The following SLC4A10 variants were observed in gnomAD, a reference collection of about 807,000 sequenced individuals.
The protein encoded by SLC4A10 is sodium-driven chloride bicarbonate exchanger.
SLC4A10 carries 42 observed loss-of-function variants against 137.7 expected under a neutral mutation model. That is an observed-to-expected ratio of 0.30 (90% CI 0.24 to 0.39). The LOEUF (loss-of-function observed/expected upper bound fraction) is 0.39. Among genes scored for constraint, SLC4A10 ranks in the 10% least tolerant of loss-of-function variants. SLC4A10 has a pLI of 1.00. For missense variants in SLC4A10, 925 were observed against 1,355.0 expected (o/e 0.68, Z 4.98); for synonymous variants, 474 against 464.1 (o/e 1.02, Z -0.27).
rs181633451 is a variant in SLC4A10, at chr2:161,891,808, A to C, written c.1195-2871A>C. Among the ~76,000 whole-genome samples, 491 of 152,080 alleles carry C rather than the reference A, an allele frequency of 3.2e-3. 1 individual carries two copies. The highest frequency in any genetic ancestry group is 0.011 in the African/African-American group (469 of 41,496). ...GAAGCCTACTTCTGTCAATTCGTCAAACTCATTCTCCATCCAGTTTTGTTC... is the reference window on the plus strand; with the variant it reads ...GAAGCCTACTTCTGTCAATTCGTCACACTCATTCTCCATCCAGTTTTGTTC... On this transcript the variant is annotated intron_variant, in intron 10 of 26. Transcript: ENST00000446997.
chr2:161,637,065 C>G (rs960048271), intron 1 of SLC4A10, among the ~76,000 whole-genome samples: 1 of 122,218 alleles, frequency 8.2e-6, no homozygotes, highest in Non-Finnish European at 1.8e-5. Context: ...ATGTATATAT[C>G]TATATACATA....
chr2:161,711,713 G>A (rs1574498777), intron 1 of SLC4A10, among the ~76,000 whole-genome samples: 3 of 151,828 alleles, frequency 2.0e-5, no homozygotes, highest in Admixed American at 2.0e-4. Flanking sequence ...GTTTGTAATG[G>A]CTGGCTGCAG....
rs144251917 is a variant in SLC4A10 at position 161,748,436 on chromosome 2, T to TTGTGTGTG, written c.49-22508_49-22501dup. Among the ~76,000 whole-genome samples, 1,361 of 142,500 alleles carry TTGTGTGTG rather than the reference T, an allele frequency of 9.6e-3. 14 individuals are homozygous for TTGTGTGTG. The highest frequency in any genetic ancestry group is 0.036 in the Middle Eastern group (10 of 276). The allele number at this position is 142,500 out of a possible 152,430, so 93.5% of individuals were successfully genotyped here. On this transcript the variant is annotated intron_variant, in intron 1 of 26. Coordinates refer to ENST00000446997, the MANE Select transcript of SLC4A10 (RefSeq NM_001178015.2). ...GTCTATGTCTTAAGCCATTTTGAGTTTGTGTGTGTGTGTGTGTGTGTGTGT... is the reference window on the plus strand; with the variant it reads ...GTCTATGTCTTAAGCCATTTTGAGTTTGTGTGTGTGTGTGTGTGTGTGTGTGTGTGTGT...
intron 6 of SLC4A10, among the ~76,000 whole-genome samples, chr2:161,866,176 ATTG>A (rs2060733391): frequency 6.6e-6 from 1 of 151,980 alleles, no homozygotes. Flanking sequence ...TACTTCCTTA[ATTG>A]ACTTGTGTCT....
intron 2 of SLC4A10, among the ~76,000 whole-genome samples, chr2:161,789,528 A>G (rs1160122980): frequency 6.6e-6 from 1 of 152,122 alleles, no homozygotes; most frequent in Non-Finnish European, 1.5e-5. Context: ...TGAAAAAAAA[A>G]AGCTACATTA....
At chr2:161,651,693 G>C (rs1015510134) in intron 1 of SLC4A10, among the ~76,000 whole-genome samples, 1 of 152,222 alleles carries the variant, frequency 6.6e-6, no homozygotes, top group African/African-American at 2.4e-5. Flanking sequence ...AGCCTTGCAC[G>C]GAGCTAGCAC....
At chr2:161,693,682 T>A (rs1176055614) in intron 1 of SLC4A10, among the ~76,000 whole-genome samples, 2 of 151,090 alleles carry the variant, frequency 1.3e-5, no homozygotes, top group African/African-American at 4.9e-5. Flanking sequence ...TTTTTTTTTT[T>A]TTTTTTTTTA....
chr2:161,960,056 T>G (rs1362589042), intron 21 of SLC4A10, among the ~76,000 whole-genome samples: 1 of 151,916 alleles, frequency 6.6e-6, no homozygotes, highest in Non-Finnish European at 1.5e-5. Flanking sequence ...ATCTAATGAC[T>G]GTGGTCCTTA....
chr2:161,974,441 G>T (rs762141189), intron 24 of SLC4A10, 125 bp downstream of exon 24: 8 of 713,530 alleles, frequency 1.1e-5, no homozygotes, highest in Non-Finnish European at 1.5e-5. Context: ...TAGAAAGAAC[G>T]AAGAGTTAGA....
At chr2:161,974,423 T>C in intron 24 of SLC4A10, 107 bp downstream of exon 24, 1 of 838,444 alleles carries the variant, frequency 1.2e-6, no homozygotes, top group Non-Finnish European at 1.6e-6. Context: ...CTTGAAATTG[T>C]ATAAGAGTAG....
Position 161,830,321 on chromosome 2 carries a change from T to C in SLC4A10, c.278-9468T>C, listed in dbSNP as rs539476786. On this transcript the variant is annotated intron_variant, in intron 3 of 26. Coordinates refer to ENST00000446997, the MANE Select transcript of SLC4A10 (RefSeq NM_001178015.2). Reference sequence around the variant, plus strand: ...TTAACTAATACTATTTCTTATACAATGGCAGTTTGAAATATTAATCCAAAC... The same window carrying C: ...TTAACTAATACTATTTCTTATACAACGGCAGTTTGAAATATTAATCCAAAC... Among the ~76,000 whole-genome samples the C allele has an allele frequency of 1.8e-4, 27 of 152,306 alleles. No individual in the cohort carries two copies. The East Asian group carries it at 5.0e-3, about 28-fold the overall frequency.
At chr2:161,752,986 A>G (rs1196633235) in intron 1 of SLC4A10, among the ~76,000 whole-genome samples, 1 of 152,144 alleles carries the variant, frequency 6.6e-6, no homozygotes, top group East Asian at 1.9e-4. Context: ...ATATCTACAT[A>G]TAGCAAGATA....
intron 1 of SLC4A10, among the ~76,000 whole-genome samples, chr2:161,637,029 A>T (rs892460615): frequency 3.4e-5 from 5 of 145,690 alleles, no homozygotes; most frequent in African/African-American, 5.0e-5. Flanking sequence ...ACATTTTTTA[A>T]AAATTATTTA....
intron 1 of SLC4A10, among the ~76,000 whole-genome samples, chr2:161,694,776 A>G (rs1252607592): frequency 2.0e-5 from 3 of 152,082 alleles, no homozygotes; most frequent in African/African-American, 7.2e-5. Context: ...CAGAAAATAA[A>G]GTTGCACAAT....
At chr2:161,642,475 C>T (rs928830204) in intron 1 of SLC4A10, among the ~76,000 whole-genome samples, 1 of 151,868 alleles carries the variant, frequency 6.6e-6, no homozygotes, top group Non-Finnish European at 1.5e-5. Context: ...TTACTTTTCT[C>T]TTAAAAATAA....
At chr2:161,708,956 A>G in intron 1 of SLC4A10, 7 of 1,134,270 alleles carry the variant, frequency 6.2e-6, no homozygotes, top group Non-Finnish European at 4.8e-6. Flanking sequence ...GGATATTTGA[A>G]CAAGTAAGAT....
chr2:161,934,835 A>G (rs1691277168), intron 15 of SLC4A10, among the ~76,000 whole-genome samples: 1 of 151,952 alleles, frequency 6.6e-6, no homozygotes, highest in South Asian at 2.1e-4. Flanking sequence ...TTTAAACATT[A>G]ATCTCTTATC....
chr2:161,819,793 C>A (rs2057461087), intron 3 of SLC4A10, among the ~76,000 whole-genome samples: 1 of 152,114 alleles, frequency 6.6e-6, no homozygotes, highest in African/African-American at 2.4e-5. Context: ...CGCATCCAGC[C>A]CACATTTGTT....
intron 21 of SLC4A10, among the ~76,000 whole-genome samples, chr2:161,960,099 C>T (rs1696368401): frequency 6.6e-6 from 1 of 151,940 alleles, no homozygotes; most frequent in Non-Finnish European, 1.5e-5. Flanking sequence ...TGTGGTGTGG[C>T]TCATGCCTGT....
Sources: gnomAD v4.1 joint callset for allele counts (sites outside exome capture counted in the v4.1 genomes callset) on GRCh38, gnomAD v4.1.1 for gene constraint, MANE v1.5 for transcripts, NCBI Gene and HGNC (gene_info 2026-07-23, HGNC 2026-07-21) for gene names.